Variants in ARHGEF10 observed in about 807,000 individuals in gnomAD.
ARHGEF10 encodes the protein Rho guanine nucleotide exchange factor 10.
In ARHGEF10, 140 loss-of-function variants were observed where a neutral mutation model predicts 147.4. The ratio of observed to expected loss-of-function variants is 0.95; its 90% CI spans 0.83 to 1.09. The LOEUF (loss-of-function observed/expected upper bound fraction) is 1.09, where lower values mean the gene tolerates loss of function less well. ARHGEF10 is among the 50% of genes least tolerant of loss of function. The pLI, the probability that ARHGEF10 is intolerant of heterozygous loss-of-function variation, is 0.00. For synonymous variants in ARHGEF10, 902 were observed against 695.8 expected, an observed-to-expected ratio of 1.30 and a Z score of -4.67; for missense variants, 2,222 against 1,752.7, an observed-to-expected ratio of 1.27 and a Z score of -4.78.
In ARHGEF10 at chr8:1,888,992, G is replaced by T. The variant is rs1275312903; in HGVS notation, c.1182+3285G>T. Among the ~76,000 whole-genome samples, 2 of 104,998 alleles carry T rather than the reference G, an allele frequency of 1.9e-5. 1 individual carries two copies. Among genetic ancestry groups the T allele is most frequent in the African/African-American group, 7.7e-5 (2 of 25,872 alleles). 68.9% of individuals were successfully genotyped at this position (104,998 alleles called of 152,430 possible). A position where few individuals can be genotyped will look rare whatever the true frequency, so the allele number is the denominator to read the frequency against. ...TGCGAGGAGACACTGAGGTGTGAGGGGTCTACAAGGAGTCACGGAGTGCAG... is the reference window on the plus strand; with the variant it reads ...TGCGAGGAGACACTGAGGTGTGAGGTGTCTACAAGGAGTCACGGAGTGCAG... On this transcript the variant is annotated intron_variant, in intron 11 of 28. Coordinates refer to ENST00000349830, the MANE Select transcript of ARHGEF10 (RefSeq NM_014629.4).
rs191372322 is a variant in ARHGEF10, at chr8:1,889,816, G to A, written c.1183-3753G>A. ...TGTGAGCAGACACTTCATGGGAGGAGGGTTTGTGAGAAGACACTAGGTGGG... is the reference window on the plus strand; with the variant it reads ...TGTGAGCAGACACTTCATGGGAGGAAGGTTTGTGAGAAGACACTAGGTGGG... On this transcript the variant is annotated intron_variant, in intron 11 of 28. Transcript: ENST00000349830. Among the ~76,000 whole-genome samples the A allele has an allele frequency of 5.1e-4, 70 of 138,408 alleles. 2 individuals carry two copies. Among genetic ancestry groups the A allele is most frequent in the Non-Finnish European group, 1.1e-4 (7 of 65,276 alleles). 90.8% of individuals were successfully genotyped at this position (138,408 alleles called of 152,430 possible).
intron 1 of ARHGEF10, among the ~76,000 whole-genome samples, chr8:1,828,435 C>T (rs541844242): frequency 1.0e-3 from 148 of 147,868 alleles, no homozygotes; most frequent in African/African-American, 2.9e-3. Context: ...TTTGATAAAC[C>T]GTGGCATGCA....
At position 1,840,392 on chromosome 8, in the gene ARHGEF10, A is replaced by G. The variant is rs1237347197; in HGVS notation, c.-47-2961A>G. Among the ~76,000 whole-genome samples the G allele has an allele frequency of 1.2e-4, 15 of 121,742 alleles. 1 individual carries two copies. Among genetic ancestry groups the G allele is most frequent in the Admixed American group, 1.2e-3 (14 of 11,816 alleles). The allele number at this position is 121,742 out of a possible 152,430, so 79.9% of individuals were successfully genotyped here. ...CGATATGGGGACTGTCTGGTGTGGA[A>G]GCTGTCTGGTGTGGGGACTGTCTGG... On this transcript the variant is annotated intron_variant, in intron 1 of 28. Transcript: ENST00000349830.
chr8:1,861,136 G>A (rs1009063574), intron 4 of ARHGEF10, among the ~76,000 whole-genome samples: 1 of 152,242 alleles, frequency 6.6e-6, no homozygotes, highest in Admixed American at 6.5e-5. Flanking sequence ...AGCGCTGACA[G>A]CTCCATTTCG....
intron 14 of ARHGEF10, among the ~76,000 whole-genome samples, chr8:1,897,275 C>T (rs866061105): frequency 1.3e-5 from 2 of 152,378 alleles, no homozygotes; most frequent in African/African-American, 2.4e-5. Context: ...TTATCCAGCA[C>T]GGCGGCTCCT....
At chr8:1,851,037 G>T (rs888016639) in intron 2 of ARHGEF10, among the ~76,000 whole-genome samples, 6 of 152,330 alleles carry the variant, frequency 3.9e-5, no homozygotes, top group South Asian at 2.1e-4. Flanking sequence ...GGGTTTGCGG[G>T]GGGGAGGGGT....
At chr8:1,945,361 A>C (rs1247401821) in intron 26 of ARHGEF10, 120 bp from the exon 27 acceptor site, 6 of 1,250,180 alleles carry the variant, frequency 4.8e-6, no homozygotes, top group Non-Finnish European at 6.8e-6. Context: ...GATTTGGAGC[A>C]AAGCCTGCTA....
intron 2 of ARHGEF10, among the ~76,000 whole-genome samples, chr8:1,855,182 A>G (rs1206057617): frequency 6.6e-6 from 1 of 152,184 alleles, no homozygotes; most frequent in Non-Finnish European, 1.5e-5. Context: ...TGTACCAGAC[A>G]TTGTCAAGCT....
chr8:1,894,864 C>T (rs560555452), intron 13 of ARHGEF10, among the ~76,000 whole-genome samples: 9 of 152,292 alleles, frequency 5.9e-5, no homozygotes, highest in East Asian at 3.9e-4. Flanking sequence ...CCCCATTAGA[C>T]GATTTGCTGA....
chr8:1,913,674 C>T (rs933712525), intron 18 of ARHGEF10, among the ~76,000 whole-genome samples: 8 of 152,210 alleles, frequency 5.3e-5, no homozygotes, highest in Admixed American at 1.3e-4. Flanking sequence ...TCCAGAAGGC[C>T]GCTGCCTCCC....
chr8:1,951,194 C>T (rs1252665748), intron 27 of ARHGEF10, among the ~76,000 whole-genome samples: 3 of 152,266 alleles, frequency 2.0e-5, no homozygotes, highest in Admixed American at 1.3e-4. Flanking sequence ...AGATCATCCA[C>T]ACTCCCTTTG....
In ARHGEF10 at chr8:1,888,114, C is replaced by G. The variant is rs377166600; in HGVS notation, c.1182+2407C>G. Among the ~76,000 whole-genome samples, 58 of 96,950 alleles carry G rather than the reference C, an allele frequency of 6.0e-4. 2 individuals carry two copies. The highest frequency in any genetic ancestry group is 1.6e-3 in the Admixed American group (17 of 10,806). The allele number at this position is 96,950 out of a possible 152,430, so 63.6% of individuals were successfully genotyped here. A position where few individuals can be genotyped will look rare whatever the true frequency, so the allele number is the denominator to read the frequency against. Reference sequence around the variant, plus strand: ...GTAGGGTGAATGTTTTGAGGAGACACTTAGTGGGGTGAGGGTTTGCGAGGA... The same window carrying G: ...GTAGGGTGAATGTTTTGAGGAGACAGTTAGTGGGGTGAGGGTTTGCGAGGA... On this transcript the variant is annotated intron_variant, in intron 11 of 28. Coordinates refer to ENST00000349830, the MANE Select transcript of ARHGEF10 (RefSeq NM_014629.4).
intron 1 of ARHGEF10, among the ~76,000 whole-genome samples, chr8:1,832,423 GAGAC>G (rs1452354153): frequency 6.9e-6 from 1 of 144,202 alleles, no homozygotes; most frequent in Non-Finnish European, 1.5e-5. Flanking sequence ...GAGACAGAGA[GAGAC>G]AGAGGCAGAC....
intron 1 of ARHGEF10, chr8:1,826,077 C>T (rs890910917): frequency 1.4e-5 from 22 of 1,588,022 alleles, no homozygotes; most frequent in African/African-American, 8.0e-5. Flanking sequence ...CAGCCAACAT[C>T]GGCAGTTACG....
chr8:1,911,903 G>T (rs1811386387), intron 18 of ARHGEF10, among the ~76,000 whole-genome samples: 3 of 152,198 alleles, frequency 2.0e-5, no homozygotes, highest in African/African-American at 7.2e-5. Flanking sequence ...CTCAGTGTTT[G>T]TTTCTTCCGG....
chr8:1,857,802 C>T (rs1169990946), intron 2 of ARHGEF10, among the ~76,000 whole-genome samples, 158 bp from the exon 3 acceptor site: 1 of 151,884 alleles, frequency 6.6e-6, no homozygotes, highest in Non-Finnish European at 1.5e-5. Flanking sequence ...CTTATTTTGC[C>T]CCTTAAAAAG....
intron 25 of ARHGEF10, among the ~76,000 whole-genome samples, chr8:1,932,778 T>C (rs1393660409): frequency 6.6e-6 from 1 of 152,234 alleles, no homozygotes; most frequent in Non-Finnish European, 1.5e-5. Flanking sequence ...CAGACACTTG[T>C]TTTGTATTCA....
chr8:1,908,206 G>C (rs1053612915), intron 17 of ARHGEF10, among the ~76,000 whole-genome samples: 2 of 146,812 alleles, frequency 1.4e-5, no homozygotes, highest in Admixed American at 6.8e-5. Flanking sequence ...CGGCATTTTG[G>C]TTATTTCTAC....
At chr8:1,830,737 C>T (rs1803047322) in intron 1 of ARHGEF10, among the ~76,000 whole-genome samples, 2 of 152,128 alleles carry the variant, frequency 1.3e-5, no homozygotes, top group Non-Finnish European at 2.9e-5. Context: ...TGAAAAGCTG[C>T]GGAAAGAGAA....
Sources: allele counts gnomAD v4.1 joint callset (sites outside exome capture counted in the v4.1 genomes callset), GRCh38; gene constraint gnomAD v4.1.1; transcripts MANE v1.5; gene names NCBI Gene and HGNC (gene_info 2026-07-23, HGNC 2026-07-21).